METTL15: variants seen among roughly 807,000 people sequenced by gnomAD.
METTL15 encodes methyltransferase 15, mitochondrial 12S rRNA N4-cytidine.
Under a neutral mutation model 38.3 loss-of-function variants are expected in METTL15, and 34 were observed. That is an observed-to-expected ratio of 0.89 (90% CI 0.68 to 1.18). METTL15 has a LOEUF of 1.18. METTL15 is among the 50% of genes most tolerant of loss of function. The probability of loss-of-function intolerance (pLI) is 0.00; values close to 1 mark genes in which losing one functional copy is unlikely to be tolerated. For missense variants in METTL15, 438 were observed against 498.4 expected, an observed-to-expected ratio of 0.88 and a Z score of 1.15; for synonymous variants, 162 against 170.9, an observed-to-expected ratio of 0.95 and a Z score of 0.41.
chr11:28,273,552 G>A (rs917258207), intron 4 of METTL15, among the ~76,000 whole-genome samples: 1 of 151,998 alleles, frequency 6.6e-6, no homozygotes, highest in African/African-American at 2.4e-5. Flanking sequence ...TTAATCTTCA[G>A]ATTTTTGAAT....
intron 5 of METTL15, among the ~76,000 whole-genome samples, chr11:28,292,662 T>G (rs560985754): frequency 4.6e-5 from 7 of 152,300 alleles, no homozygotes; most frequent in South Asian, 2.1e-4. Flanking sequence ...TGAACTAGTT[T>G]ACAGTCCCAC....
chr11:28,164,726 A>G (rs1672080175), intron 3 of METTL15, among the ~76,000 whole-genome samples: 1 of 152,062 alleles, frequency 6.6e-6, no homozygotes, highest in African/African-American at 2.4e-5. Flanking sequence ...TTTAAGTTCT[A>G]GGGTACATGT....
chr11:28,376,449 T>G (rs1051033709), intron 5 of METTL15, among the ~76,000 whole-genome samples: 1 of 152,160 alleles, frequency 6.6e-6, no homozygotes, highest in Non-Finnish European at 1.5e-5. Flanking sequence ...TGATCTTTGT[T>G]GGTTTAAAAT....
chr11:28,519,573 A>G (rs1851747409), intron 6 of METTL15, among the ~76,000 whole-genome samples: 1 of 151,458 alleles, frequency 6.6e-6, no homozygotes, highest in Non-Finnish European at 1.5e-5. Context: ...AAAAAGAAGA[A>G]CCTCAGAGAT....
At chr11:28,375,148 C>T (rs941905845) in intron 5 of METTL15, among the ~76,000 whole-genome samples, 3 of 146,394 alleles carry the variant, frequency 2.0e-5, no homozygotes, top group African/African-American at 7.6e-5. Context: ...GTGTCTCTGC[C>T]CGGCTTTGGT....
chr11:28,300,474 T>A (rs1856874753), intron 6 of METTL15, among the ~76,000 whole-genome samples: 5 of 152,154 alleles, frequency 3.3e-5, no homozygotes, highest in Admixed American at 1.3e-4. Context: ...TAAAGTTTGG[T>A]GCGTTTTGCT....
intron 4 of METTL15, among the ~76,000 whole-genome samples, chr11:28,284,192 G>A (rs1856165842): frequency 6.6e-6 from 1 of 152,126 alleles, no homozygotes; most frequent in African/African-American, 2.4e-5. Flanking sequence ...TTATTTTGTG[G>A]TGGTGCATCA....
chr11:28,185,771 G>A (rs1851471531), intron 3 of METTL15, among the ~76,000 whole-genome samples: 1 of 150,674 alleles, frequency 6.6e-6, no homozygotes, highest in African/African-American at 2.4e-5. Flanking sequence ...AATATTTTTA[G>A]AGCTTTAATC....
intron 4 of METTL15, among the ~76,000 whole-genome samples, chr11:28,214,039 A>G (rs1236402475): frequency 1.3e-5 from 2 of 151,994 alleles, no homozygotes; most frequent in Admixed American, 6.6e-5. Context: ...CATGATTTTA[A>G]TACCCATCTT....
Position 28,222,922 on chromosome 11 carries a change from A to G in METTL15, c.407+11724A>G, listed in dbSNP as rs771789091. Among the ~76,000 whole-genome samples the G allele has an allele frequency of 2.6e-5, 4 of 152,308 alleles. No individual in the cohort carries two copies. In the South Asian group the frequency reaches 6.2e-4, roughly 24 times the overall value. ...AACAAAACATACAGAAGGGTGATTC[A>G]TAGAAGATTAAACTGTGAAAAGATG... is the stretch of plus-strand genomic sequence containing the variant. On this transcript the variant is annotated intron_variant, in intron 4 of 6. Transcript: ENST00000407364.
intron 5 of METTL15, among the ~76,000 whole-genome samples, chr11:28,387,841 A>G (rs1270563577): frequency 6.6e-6 from 1 of 152,106 alleles, no homozygotes; most frequent in Non-Finnish European, 1.5e-5. Context: ...CCTGCAATGC[A>G]AATATCCCAT....
chr11:28,179,173 A>G (rs1343863677), intron 3 of METTL15, among the ~76,000 whole-genome samples: 1 of 151,788 alleles, frequency 6.6e-6, no homozygotes, highest in Non-Finnish European at 1.5e-5. Flanking sequence ...TTTTTAGTTC[A>G]GTTGCGTTTA....
At chr11:28,329,952 C>G (rs1236796908) in intron 6 of METTL15, among the ~76,000 whole-genome samples, 2 of 151,920 alleles carry the variant, frequency 1.3e-5, no homozygotes, top group Non-Finnish European at 2.9e-5. Flanking sequence ...TTTTGTTCTT[C>G]TTTATGTAAT....
chr11:28,256,401 G>C (rs568781349), intron 4 of METTL15, among the ~76,000 whole-genome samples: 2 of 151,986 alleles, frequency 1.3e-5, no homozygotes, highest in African/African-American at 4.8e-5. Flanking sequence ...TGTCTTTTTG[G>C]GTTTTGGATT....
At chr11:28,413,102 C>T (rs922060360) in intron 5 of METTL15, among the ~76,000 whole-genome samples, 4 of 151,848 alleles carry the variant, frequency 2.6e-5, no homozygotes, top group Admixed American at 6.6e-5. Context: ...CCTTTTGAGA[C>T]AAAAAAATAC....
In METTL15 at chr11:28,138,337, G is replaced by A. The variant is rs1590791519; in HGVS notation, c.270+24733G>A. ...GGCCTTTTAAATATACCTCTAGCTT[G>A]GATATCCACTTTAAATTAAGCTGAG... On this transcript the variant is annotated intron_variant, in intron 3 of 6. Transcript: ENST00000407364. 2.6e-5 allele frequency among the ~76,000 whole-genome samples: 4 copies of A among 152,268 alleles called. No individual in the cohort carries two copies. In the Middle Eastern group the frequency reaches 0.01, roughly 388 times the overall value.
rs540385257 is a variant in METTL15 at position 28,128,462 on chromosome 11, T to G, written c.270+14858T>G. Among the ~76,000 whole-genome samples the G allele has an allele frequency of 1.1e-4, 16 of 152,254 alleles. No homozygotes were observed. In the South Asian group the frequency reaches 3.1e-3, roughly 30 times the overall value. Reference sequence around the variant, plus strand: ...ATGTGTTGTTTGCTGAAAATCAACATTATGTATGTATGTTATATACATTTA... The same window carrying G: ...ATGTGTTGTTTGCTGAAAATCAACAGTATGTATGTATGTTATATACATTTA... On this transcript the variant is annotated intron_variant, in intron 3 of 6. Transcript: ENST00000407364.
At chr11:28,397,339 T>G (rs560595059) in intron 5 of METTL15, among the ~76,000 whole-genome samples, 23 of 151,986 alleles carry the variant, frequency 1.5e-4, no homozygotes, top group Non-Finnish European at 2.8e-4. Context: ...TGCAATCTAC[T>G]CATCTGACAA....
At chr11:28,323,940 G>A (rs1010717948) in intron 6 of METTL15, among the ~76,000 whole-genome samples, 4 of 152,146 alleles carry the variant, frequency 2.6e-5, no homozygotes, top group African/African-American at 7.2e-5. Context: ...AATTTTCCCA[G>A]CATTACTGTG....
Sources: gnomAD v4.1 joint callset for allele counts (sites outside exome capture counted in the v4.1 genomes callset) on GRCh38, gnomAD v4.1.1 for gene constraint, MANE v1.5 for transcripts, NCBI Gene and HGNC (gene_info 2026-07-23, HGNC 2026-07-21) for gene names.